The following NDE1 variants were observed in gnomAD, a reference collection of about 807,000 sequenced individuals.
The protein encoded by NDE1 is nudE neurodevelopment protein 1.
In NDE1, 28 loss-of-function variants were observed where a neutral mutation model predicts 43.4. That is an observed-to-expected ratio of 0.65 (90% CI 0.48 to 0.89). The LOEUF (loss-of-function observed/expected upper bound fraction) is 0.89, where lower values mean the gene tolerates loss of function less well. Ranked by LOEUF, NDE1 falls within the 40% of genes least tolerant of loss-of-function variation. NDE1 has a pLI of 0.00. For synonymous variants in NDE1, 184 were observed against 172.0 expected (o/e 1.07, Z -0.55); for missense variants, 441 against 434.1 (o/e 1.02, Z -0.14).
chr16:15,670,751 G>C (rs2037553968), intron 3 of NDE1, among the ~76,000 whole-genome samples: 1 of 152,098 alleles, frequency 6.6e-6, no homozygotes, highest in Admixed American at 6.6e-5. Flanking sequence ...GCTGACACTT[G>C]GTGCTTGGGG....
chr16:15,724,490 G>A lies in NDE1; in HGVS notation c.*239G>A, dbSNP rs565513040. On this transcript the variant is annotated 3_prime_UTR_variant, in exon 9 of 9. Transcript: ENST00000396354. ...CCTGGCCCCACAGACTCTGAGAAGC[G>A]AAGACCATGTCTCCTCGTTGGAGAA... The A allele has an allele frequency of 7.9e-5, 127 of 1,608,562 alleles. 1 individual carries two copies. The highest frequency in any genetic ancestry group is 1.1e-4 in the South Asian group (10 of 90,814).
chr16:15,726,054 T>G lies in NDE1; in HGVS notation c.*1803T>G. 5.0e-6 allele frequency: 1 copy of G among 199,042 alleles called. No homozygotes were observed. Among genetic ancestry groups the G allele is most frequent in the Non-Finnish European group, 1.0e-5 (1 of 99,176 alleles). The allele number at this position is 199,042 out of a possible 1,614,324, so 12.3% of individuals were successfully genotyped here. ...TACCACAGGGCCTTTGCACACGCTGTTCCCTCTGCCTGGTAGACTTATCCA... is the reference window on the plus strand; with the variant it reads ...TACCACAGGGCCTTTGCACACGCTGGTCCCTCTGCCTGGTAGACTTATCCA... On this transcript the variant is annotated 3_prime_UTR_variant, in exon 9 of 9. Coordinates refer to ENST00000396354, the MANE Select transcript of NDE1 (RefSeq NM_017668.3).
intron 1 of NDE1, among the ~76,000 whole-genome samples, chr16:15,652,787 C>G (rs2036568341): frequency 6.6e-6 from 1 of 152,048 alleles, no homozygotes; most frequent in Non-Finnish European, 1.5e-5. Flanking sequence ...CCTGAGCCTC[C>G]CAAGTAGCTG....
At chr16:15,690,584 G>A (rs1430532267) in intron 5 of NDE1, among the ~76,000 whole-genome samples, 1 of 151,814 alleles carries the variant, frequency 6.6e-6, no homozygotes, top group Non-Finnish European at 1.5e-5. Context: ...AATAATAAAA[G>A]CATTAGTGTG....
In NDE1 at chr16:15,694,193, C is replaced by T. The variant is rs746182991; in HGVS notation, c.732C>T (p.Pro244=). The part of the protein sequence containing the change: ...RGLDDSTGGT[P]LTPAARISAL... ...TGGACGACTCCACCGGGGGGACCCC[C>T]CTCACACCTGCGGCCCGGATATCAG... Residue 244 remains proline, a synonymous_variant, in exon 7 of 9, where the codon CCC becomes CCT. Transcript: ENST00000396354. 2.5e-6 allele frequency: 4 copies of T among 1,613,168 alleles called. No individual in the cohort carries two copies. In the Admixed American group the frequency reaches 6.7e-5, roughly 27 times the overall value.
At chr16:15,650,238 G>T (rs2036425878), upstream of NDE1, 3 of 280,622 alleles carry the variant, frequency 1.1e-5, no homozygotes, top group Non-Finnish European at 1.5e-5. Context: ...GGGCCGCACC[G>T]CCCTTCGCAG....
chr16:15,685,335 C>G lies in NDE1; in HGVS notation c.387-2040C>G, dbSNP rs546083188. ...AGTGGCATAGTCATGGCTTACTGTA[C>G]CCTTGAATTCCTGGGCTCAAGCAGT... On this transcript the variant is annotated intron_variant, in intron 4 of 8. Transcript: ENST00000396354. 3.3e-5 allele frequency among the ~76,000 whole-genome samples: 5 copies of G among 151,804 alleles called. No individual in the cohort carries two copies. In the South Asian group the frequency reaches 8.3e-4, roughly 25 times the overall value.
intron 8 of NDE1, among the ~76,000 whole-genome samples, chr16:15,722,676 G>A (rs905340816): frequency 7.9e-5 from 12 of 152,228 alleles, no homozygotes; most frequent in East Asian, 3.9e-4. Context: ...CCTGACACTA[G>A]GAGGTCAGTC....
chr16:15,721,109 G>A, intron 8 of NDE1: 1 of 1,582,508 alleles, frequency 6.3e-7, no homozygotes, highest in Non-Finnish European at 8.6e-7. Context: ...AGACGATTGA[G>A]AAACCCACCG....
At chr16:15,666,165 A>G (rs1057458234) in intron 2 of NDE1, among the ~76,000 whole-genome samples, 34 of 152,002 alleles carry the variant, frequency 2.2e-4, no homozygotes, top group Non-Finnish European at 5.9e-5. Flanking sequence ...ATATATTGCT[A>G]AAGATTTTAA....
intron 4 of NDE1, among the ~76,000 whole-genome samples, chr16:15,685,242 GGTA>G (rs2038379772): frequency 6.6e-6 from 1 of 151,922 alleles, no homozygotes; most frequent in African/African-American, 2.4e-5. Flanking sequence ...CTTTGTTGTT[GGTA>G]GTAGTGTGTT....
chr16:15,719,719 T>G (rs931080660), intron 8 of NDE1: 1 of 1,614,014 alleles, frequency 6.2e-7, no homozygotes, highest in African/African-American at 1.3e-5. Context: ...TGAGCCTGCA[T>G]GAGTCAACAG....
chr16:15,666,200 G>A (rs1299226947), intron 2 of NDE1, among the ~76,000 whole-genome samples: 2 of 152,178 alleles, frequency 1.3e-5, no homozygotes, highest in East Asian at 1.9e-4. Context: ...GTTTTGGTCA[G>A]GGCTCATATC....
At chr16:15,708,545 G>A (rs749608747) in intron 8 of NDE1, among the ~76,000 whole-genome samples, 17 of 152,198 alleles carry the variant, frequency 1.1e-4, no homozygotes, top group Non-Finnish European at 1.6e-4. Flanking sequence ...AGTGATAAGG[G>A]CGCACACTGT....
chr16:15,688,129 T>C (rs949260810), intron 5 of NDE1, among the ~76,000 whole-genome samples: 18 of 152,214 alleles, frequency 1.2e-4, no homozygotes, highest in Admixed American at 1.2e-3. Flanking sequence ...TGAGCTATGA[T>C]GGCACCAGTG....
chr16:15,707,221 G>T (rs1425501915), intron 8 of NDE1, among the ~76,000 whole-genome samples: 1 of 152,124 alleles, frequency 6.6e-6, no homozygotes, highest in African/African-American at 2.4e-5. Flanking sequence ...ATTTTTAGGA[G>T]AGACGGGGTT....
At chr16:15,686,499 A>G (rs981045876) in intron 4 of NDE1, 3 of 985,254 alleles carry the variant, frequency 3.0e-6, no homozygotes, top group African/African-American at 1.7e-5. Flanking sequence ...GAGGTTAAAT[A>G]TGATCTCTTC....
chr16:15,648,332 C>A (rs767227970), upstream of NDE1, among the ~76,000 whole-genome samples: 1 of 151,882 alleles, frequency 6.6e-6, no homozygotes, highest in Non-Finnish European at 1.5e-5. Context: ...TATTTTTGTA[C>A]CCACTAACCA....
chr16:15,700,065 C>G (rs762861928), intron 8 of NDE1: 54 of 1,172,028 alleles, frequency 4.6e-5, no homozygotes, highest in Non-Finnish European at 5.6e-5. Flanking sequence ...AAAAGGGGCT[C>G]TCTGGGAAGG....
Sources: allele counts gnomAD v4.1 joint callset (sites outside exome capture counted in the v4.1 genomes callset), GRCh38; gene constraint gnomAD v4.1.1; transcripts MANE v1.5; gene names NCBI Gene and HGNC (gene_info 2026-07-23, HGNC 2026-07-21).